OPCML: variants seen among roughly 807,000 people sequenced by gnomAD.
OPCML encodes opioid binding protein/cell adhesion molecule like, also known as opioid-binding protein/cell adhesion molecule.
A neutral mutation model predicts 37.8 loss-of-function variants in OPCML; 13 were observed. That is an observed-to-expected ratio of 0.34 (90% CI 0.22 to 0.55). The LOEUF (loss-of-function observed/expected upper bound fraction) is 0.55, where lower values mean the gene tolerates loss of function less well. Ranked by LOEUF, OPCML falls within the 20% of genes least tolerant of loss-of-function variation. The pLI is 0.91. For missense variants in OPCML, 341 were observed against 435.6 expected (o/e 0.78, Z 1.93); for synonymous variants, 176 against 168.8 (o/e 1.04, Z -0.33).
intron 4 of OPCML, among the ~76,000 whole-genome samples, chr11:132,467,352 A>T (rs1349693251): frequency 6.6e-6 from 1 of 152,208 alleles, no homozygotes; most frequent in East Asian, 1.9e-4. Context: ...CTCACACTCC[A>T]GTTACCTAAT....
chr11:132,491,830 G>A (rs193129790), intron 4 of OPCML, among the ~76,000 whole-genome samples: 17 of 152,096 alleles, frequency 1.1e-4, no homozygotes, highest in African/African-American at 1.7e-4. Flanking sequence ...TGCTGGGACA[G>A]TAGGTGTTGG....
chr11:133,314,232 C>CA (rs59843718), intron 1 of OPCML, among the ~76,000 whole-genome samples: 1,073 of 49,754 alleles, frequency 0.022, 184 homozygotes, highest in African/African-American at 0.03. Flanking sequence ...GACTCCGTCT[C>CA]AAAAAAAAAA....
chr11:132,546,841 C>A (rs1044675514), intron 3 of OPCML, among the ~76,000 whole-genome samples: 1 of 152,210 alleles, frequency 6.6e-6, no homozygotes, highest in Non-Finnish European at 1.5e-5. Context: ...AATATGACTG[C>A]TCTCATACAC....
intron 1 of OPCML, among the ~76,000 whole-genome samples, chr11:133,184,857 T>C (rs1938002500): frequency 1.3e-5 from 2 of 152,332 alleles, no homozygotes; most frequent in South Asian, 4.1e-4. Context: ...CCCTGAAGAA[T>C]AGAGAACCGT....
chr11:133,191,984 T>A (rs961514066), intron 1 of OPCML, among the ~76,000 whole-genome samples: 1 of 152,196 alleles, frequency 6.6e-6, no homozygotes, highest in African/African-American at 2.4e-5. Context: ...TTGAACTGTC[T>A]GCTGTTTTTA....
intron 1 of OPCML, among the ~76,000 whole-genome samples, chr11:133,482,097 G>A (rs975990547): frequency 2.0e-5 from 3 of 152,198 alleles, no homozygotes; most frequent in Non-Finnish European, 2.9e-5. Flanking sequence ...AGCCTTGGAA[G>A]TGGAAGCAAG....
chr11:133,016,104 G>C (rs1225252850), intron 1 of OPCML, among the ~76,000 whole-genome samples: 1 of 152,224 alleles, frequency 6.6e-6, no homozygotes, highest in East Asian at 1.9e-4. Context: ...TATTTCTGAA[G>C]TGTAGTCATT....
At chr11:132,639,884 C>G (rs1286186024) in intron 3 of OPCML, among the ~76,000 whole-genome samples, 1 of 152,186 alleles carries the variant, frequency 6.6e-6, no homozygotes, top group Non-Finnish European at 1.5e-5. Flanking sequence ...TGGCTGTCAT[C>G]GACAGTAGCT....
chr11:133,304,777 G>T (rs1188191763), intron 1 of OPCML, among the ~76,000 whole-genome samples: 1 of 152,138 alleles, frequency 6.6e-6, no homozygotes. Context: ...CAGTATCTTG[G>T]CCCACATACC....
intron 1 of OPCML, among the ~76,000 whole-genome samples, chr11:133,372,366 T>C (rs1944693947): frequency 6.6e-6 from 1 of 152,190 alleles, no homozygotes; most frequent in African/African-American, 2.4e-5. Flanking sequence ...TAGTCTAATT[T>C]AGCTCAATTT....
intron 2 of OPCML, among the ~76,000 whole-genome samples, chr11:132,673,895 C>T (rs1243452452): frequency 2.0e-5 from 3 of 152,152 alleles, no homozygotes; most frequent in Non-Finnish European, 4.4e-5. Context: ...CACTCTATCC[C>T]ATTCCTTCCT....
intron 3 of OPCML, among the ~76,000 whole-genome samples, chr11:132,534,549 A>C (rs1305501143): frequency 6.6e-6 from 1 of 152,190 alleles, no homozygotes; most frequent in Non-Finnish European, 1.5e-5. Flanking sequence ...CTTTCTGTAA[A>C]GTTAGTTGGG....
At chr11:133,242,744 A>T (rs1369215952) in intron 1 of OPCML, among the ~76,000 whole-genome samples, 5 of 152,190 alleles carry the variant, frequency 3.3e-5, no homozygotes, top group Non-Finnish European at 4.4e-5. Context: ...AGGGGACAGA[A>T]CTCAGTCCAT....
rs1307290593 is a variant in OPCML, at chr11:132,688,822, C to T, written c.147-31503G>A. ...AAAATTAGCCGGGCGCGGTGGCGGG[C>T]GCCTGTAGTCCCAGCTACTCGGGAG... On this transcript the variant is annotated intron_variant, in intron 2 of 7. Transcript: ENST00000524381. Among the ~76,000 whole-genome samples, 4 of 91,432 alleles carry T rather than the reference C, an allele frequency of 4.4e-5. 2 individuals are homozygous for T. The highest frequency in any genetic ancestry group is 1.8e-4 in the African/African-American group (4 of 21,990). 60.0% of individuals were successfully genotyped at this position (91,432 alleles called of 152,430 possible).
intron 1 of OPCML, among the ~76,000 whole-genome samples, chr11:133,428,794 A>T (rs946135897): frequency 6.6e-6 from 1 of 152,168 alleles, no homozygotes; most frequent in African/African-American, 2.4e-5. Flanking sequence ...AAATTCCAAT[A>T]AAAAAATCAG....
intron 1 of OPCML, among the ~76,000 whole-genome samples, chr11:133,527,982 G>C (rs1948522478): frequency 6.6e-6 from 1 of 152,226 alleles, no homozygotes; most frequent in Admixed American, 6.5e-5. Context: ...CAGGCCCAGA[G>C]CTGCTAGACA....
At chr11:133,038,826 CAAA>C (rs11429741) in intron 1 of OPCML, among the ~76,000 whole-genome samples, 1 of 143,872 alleles carries the variant, frequency 7.0e-6, no homozygotes, top group South Asian at 2.3e-4. Flanking sequence ...TCTATGTTGC[CAAA>C]AAAAAAAAAA....
chr11:132,563,218 T>C (rs1366327345), intron 3 of OPCML, among the ~76,000 whole-genome samples: 2 of 152,182 alleles, frequency 1.3e-5, no homozygotes, highest in East Asian at 3.9e-4. Context: ...CAGTCAATAA[T>C]GGACTTAGGA....
At chr11:132,827,623 T>C (rs577316428) in intron 2 of OPCML, among the ~76,000 whole-genome samples, 1 of 152,210 alleles carries the variant, frequency 6.6e-6, no homozygotes, top group African/African-American at 2.4e-5. Flanking sequence ...GTGCTTTTGT[T>C]GTTGTTGTTT....
Sources: allele counts gnomAD v4.1 joint callset (sites outside exome capture counted in the v4.1 genomes callset), GRCh38; gene constraint gnomAD v4.1.1; transcripts MANE v1.5; gene names NCBI Gene and HGNC (gene_info 2026-07-23, HGNC 2026-07-21).